The following DOK6 variants were observed in gnomAD, a reference collection of about 807,000 sequenced individuals.
The protein encoded by DOK6 is docking protein 6.
A neutral mutation model predicts 44.0 loss-of-function variants in DOK6; 22 were observed. That is an observed-to-expected ratio of 0.50 (90% CI 0.36 to 0.71). The LOEUF (loss-of-function observed/expected upper bound fraction) is 0.71. Among genes scored for constraint, DOK6 ranks in the 30% least tolerant of loss-of-function variants. DOK6 has a pLI of 0.00. For missense variants in DOK6, 340 were observed against 416.4 expected, an observed-to-expected ratio of 0.82 and a Z score of 1.60; for synonymous variants, 166 against 145.5, an observed-to-expected ratio of 1.14 and a Z score of -1.01.
chr18:69,740,443 C>T (rs1207503810), intron 6 of DOK6, among the ~76,000 whole-genome samples: 1 of 152,184 alleles, frequency 6.6e-6, no homozygotes, highest in Non-Finnish European at 1.5e-5. Flanking sequence ...TGGGGCTAAC[C>T]ATGATGTCAC....
At chr18:69,631,166 G>A (rs183450584) in intron 3 of DOK6, among the ~76,000 whole-genome samples, 60 of 151,812 alleles carry the variant, frequency 4.0e-4, no homozygotes, top group Admixed American at 1.7e-3. Context: ...TATTCCTCCC[G>A]GATCAAACAT....
intron 7 of DOK6, among the ~76,000 whole-genome samples, chr18:69,817,009 A>G (rs557924954): frequency 1.3e-5 from 2 of 152,324 alleles, no homozygotes; most frequent in South Asian, 2.1e-4. Context: ...CTTTTTGCCC[A>G]TGTAAGTAGT....
intron 3 of DOK6, among the ~76,000 whole-genome samples, chr18:69,671,518 C>CTA (rs1350116822): frequency 5.9e-5 from 9 of 152,106 alleles, no homozygotes; most frequent in African/African-American, 2.2e-4. Flanking sequence ...GCAAAACCTT[C>CTA]AGGTTGCATA....
At chr18:69,772,289 C>G (rs1599317181) in intron 7 of DOK6, among the ~76,000 whole-genome samples, 1 of 152,030 alleles carries the variant, frequency 6.6e-6, no homozygotes. Context: ...GTCTATACTA[C>G]TCTAAAGCAT....
chr18:69,757,596 G>A (rs1404671016), intron 6 of DOK6, among the ~76,000 whole-genome samples, 160 bp from the exon 7 acceptor site: 2 of 152,108 alleles, frequency 1.3e-5, no homozygotes, highest in Non-Finnish European at 2.9e-5. Context: ...ATATTTTTGA[G>A]TAATGATTTT....
At chr18:69,557,842 T>C (rs1471629673) in intron 1 of DOK6, among the ~76,000 whole-genome samples, 1 of 152,152 alleles carries the variant, frequency 6.6e-6, no homozygotes, top group Non-Finnish European at 1.5e-5. Flanking sequence ...GTACATTTTC[T>C]TGTAAGCAAT....
At chr18:69,836,165 T>A (rs898240222) in intron 7 of DOK6, among the ~76,000 whole-genome samples, 5 of 152,222 alleles carry the variant, frequency 3.3e-5, no homozygotes, top group African/African-American at 1.2e-4. Flanking sequence ...TTGATTGTTA[T>A]TTTCTACTGA....
At chr18:69,436,765 C>T (rs1420611412) in intron 1 of DOK6, among the ~76,000 whole-genome samples, 7 of 152,184 alleles carry the variant, frequency 4.6e-5, no homozygotes, top group Admixed American at 1.3e-4. Context: ...AACTAATTTA[C>T]ACTCCCACCA....
intron 4 of DOK6, among the ~76,000 whole-genome samples, chr18:69,685,043 G>A (rs150638395): frequency 6.6e-6 from 1 of 152,214 alleles, no homozygotes; most frequent in East Asian, 1.9e-4. Flanking sequence ...TCAGCCTAGA[G>A]GAAAAGGCAA....
intron 6 of DOK6, among the ~76,000 whole-genome samples, chr18:69,753,708 G>A (rs79400215): frequency 9.9e-5 from 15 of 152,128 alleles, no homozygotes; most frequent in African/African-American, 3.4e-4. Context: ...CCAGAGCATC[G>A]TTTCTAAATC....
intron 7 of DOK6, among the ~76,000 whole-genome samples, chr18:69,803,706 C>CA (rs758148057): frequency 3.9e-5 from 6 of 152,052 alleles, no homozygotes; most frequent in East Asian, 1.9e-4. Context: ...ACTAAAAATA[C>CA]AAAAAAGCCG....
intron 3 of DOK6, among the ~76,000 whole-genome samples, chr18:69,613,448 T>C (rs537400571): frequency 1.6e-4 from 24 of 152,262 alleles, no homozygotes; most frequent in African/African-American, 5.5e-4. Flanking sequence ...GGAGATGACG[T>C]AGAGAAACCC....
rs1462461975 is a variant in DOK6, at chr18:69,757,726, A to T, written c.739-30A>T. On this transcript the variant is annotated intron_variant, in intron 6 of 7. Coordinates refer to ENST00000382713, the MANE Select transcript of DOK6 (RefSeq NM_152721.6). ...GATTTCAGTTTAATATTTTAAAACG[A>T]GGCCTAAAACACATTCTTTTCTCTT... 4 of 1,572,156 alleles carry T rather than the reference A, an allele frequency of 2.5e-6. No individual in the cohort carries two copies. The South Asian group carries it at 4.4e-5, about 17-fold the overall frequency.
intron 1 of DOK6, among the ~76,000 whole-genome samples, chr18:69,471,250 CAAAAAAA>C (rs71176969): frequency 0.048 from 1,316 of 27,650 alleles, 5 homozygotes; most frequent in South Asian, 0.09. Flanking sequence ...AACTCCATCT[CAAAAAAA>C]AAAAAAAAAA....
intron 1 of DOK6, among the ~76,000 whole-genome samples, chr18:69,564,281 A>G (rs995915360): frequency 1.3e-5 from 2 of 152,180 alleles, no homozygotes; most frequent in Non-Finnish European, 2.9e-5. Flanking sequence ...TACAGTGAAA[A>G]CCTCAAAACG....
At chr18:69,631,109 T>TA (rs901638936) in intron 3 of DOK6, among the ~76,000 whole-genome samples, 53 of 148,288 alleles carry the variant, frequency 3.6e-4, no homozygotes, top group Middle Eastern at 3.4e-3. Context: ...TATGTCTTCT[T>TA]AAAAAAAAAA....
At chr18:69,771,496 TA>T (rs1391571879) in intron 7 of DOK6, among the ~76,000 whole-genome samples, 2 of 152,080 alleles carry the variant, frequency 1.3e-5, no homozygotes, top group African/African-American at 4.8e-5. Context: ...TATAATACTT[TA>T]TACATTATAC....
chr18:69,649,717 C>T (rs1005070685), intron 3 of DOK6, among the ~76,000 whole-genome samples: 4 of 151,904 alleles, frequency 2.6e-5, no homozygotes, highest in African/African-American at 9.7e-5. Context: ...AGAAACATTG[C>T]ATATTTAGAA....
chr18:69,764,571 T>C (rs983970944), intron 7 of DOK6, among the ~76,000 whole-genome samples: 1 of 152,170 alleles, frequency 6.6e-6, no homozygotes, highest in Non-Finnish European at 1.5e-5. Context: ...GAAGGATGTG[T>C]TTGCTTCCCC....
Sources: gnomAD v4.1 joint callset for allele counts (sites outside exome capture counted in the v4.1 genomes callset) on GRCh38, gnomAD v4.1.1 for gene constraint, MANE v1.5 for transcripts, NCBI Gene and HGNC (gene_info 2026-07-23, HGNC 2026-07-21) for gene names.